The following ACER2 variants were observed in gnomAD, a reference collection of about 807,000 sequenced individuals.
ACER2 encodes the protein alkCDase 2.
In ACER2, 26 loss-of-function variants were observed where a neutral mutation model predicts 34.7. That is an observed-to-expected ratio of 0.75 (90% CI 0.55 to 1.04). The LOEUF is 1.04. Ranked by LOEUF, ACER2 falls within the 50% of genes least tolerant of loss-of-function variation. ACER2 has a pLI of 0.00. For missense variants in ACER2, 352 were observed against 340.8 expected (o/e 1.03, Z -0.26); for synonymous variants, 138 against 132.1 (o/e 1.04, Z -0.31).
intron 4 of ACER2, among the ~76,000 whole-genome samples, chr9:19,442,300 A>G (rs1302214206): frequency 6.6e-6 from 1 of 152,252 alleles, no homozygotes; most frequent in Non-Finnish European, 1.5e-5. Context: ...TTGTAGAATA[A>G]GGTCCTGCTG....
At chr9:19,420,131 C>T (rs1415357208) in intron 1 of ACER2, among the ~76,000 whole-genome samples, 1 of 152,168 alleles carries the variant, frequency 6.6e-6, no homozygotes, top group Admixed American at 6.5e-5. Context: ...TGGTAAAGCT[C>T]TTTGGCCCTG....
rs554296522 is a variant in ACER2, at chr9:19,451,980, C to T, written c.*1344C>T. 5.2e-5 allele frequency: 8 copies of T among 152,662 alleles called. No individual in the cohort carries two copies. The South Asian group carries it at 8.3e-4, about 16-fold the overall frequency. The allele number at this position is 152,662 out of a possible 1,614,324, so 9.5% of individuals were successfully genotyped here. A position where few individuals can be genotyped will look rare whatever the true frequency, so the allele number is the denominator to read the frequency against. ...AGTGCTGGCAGTAGCTATGCACTCACGGGCTGGTTTGGGTCGCTGGTGCAG... is the reference window on the plus strand; with the variant it reads ...AGTGCTGGCAGTAGCTATGCACTCATGGGCTGGTTTGGGTCGCTGGTGCAG... On this transcript the variant is annotated 3_prime_UTR_variant, in exon 6 of 6. Transcript: ENST00000340967.
At chr9:19,436,623 CTTAGGAATGTAT>C in intron 4 of ACER2, among the ~76,000 whole-genome samples, 1 of 152,200 alleles carries the variant, frequency 6.6e-6, no homozygotes, top group South Asian at 2.1e-4. Context: ...GACTTTCTCA[CTTAGGAATGTAT>C]TGTAGTCCTC....
chr9:19,433,552 C>CTCTT (rs1830831286), intron 3 of ACER2, among the ~76,000 whole-genome samples: 1 of 152,182 alleles, frequency 6.6e-6, no homozygotes, highest in African/African-American at 2.4e-5. Context: ...CCATGTCTAC[C>CTCTT]TCTTTCTACA....
chr9:19,411,379 CTG>C (rs1338237225), intron 1 of ACER2, among the ~76,000 whole-genome samples: 2 of 152,170 alleles, frequency 1.3e-5, no homozygotes, highest in African/African-American at 2.4e-5. Flanking sequence ...TTCTTCCCCT[CTG>C]TTGCTATTTA....
intron 3 of ACER2, among the ~76,000 whole-genome samples, chr9:19,428,146 G>A (rs559339264): frequency 7.3e-6 from 1 of 136,998 alleles, no homozygotes; most frequent in African/African-American, 2.7e-5. Flanking sequence ...GACTTTGCTG[G>A]AATATTCTTT....
At chr9:19,420,115 T>C (rs555197362) in intron 1 of ACER2, among the ~76,000 whole-genome samples, 2 of 152,300 alleles carry the variant, frequency 1.3e-5, no homozygotes, top group Non-Finnish European at 2.9e-5. Context: ...TGTGGTTTCT[T>C]AGGTCTGGTA....
At chr9:19,421,571 T>C (rs1830408786) in intron 1 of ACER2, among the ~76,000 whole-genome samples, 1 of 152,056 alleles carries the variant, frequency 6.6e-6, no homozygotes, top group African/African-American at 2.4e-5. Context: ...AAAAGGCAGA[T>C]TGGTGAATGC....
At chr9:19,432,188 C>T (rs543249248) in intron 3 of ACER2, among the ~76,000 whole-genome samples, 3 of 152,296 alleles carry the variant, frequency 2.0e-5, no homozygotes, top group Non-Finnish European at 2.9e-5. Context: ...ATTTCAAAAA[C>T]TTGTCGATGT....
chr9:19,414,823 C>A (rs1392919516), intron 1 of ACER2, among the ~76,000 whole-genome samples: 2 of 146,844 alleles, frequency 1.4e-5, no homozygotes, highest in Non-Finnish European at 3.0e-5. Flanking sequence ...TCCAACCTGG[C>A]TGACAGAGCG....
At chr9:19,446,137 G>A in intron 4 of ACER2, 144 bp from the exon 5 acceptor site, 1 of 1,132,704 alleles carries the variant, frequency 8.8e-7, no homozygotes, top group Non-Finnish European at 1.3e-6. Flanking sequence ...ATGAGACTGT[G>A]GAGTGACTGT....
At chr9:19,440,235 G>A (rs573632591) in intron 4 of ACER2, among the ~76,000 whole-genome samples, 1 of 152,110 alleles carries the variant, frequency 6.6e-6, no homozygotes, top group African/African-American at 2.4e-5. Flanking sequence ...CTACCTCTCG[G>A]CAGCTCCTTT....
chr9:19,434,496 T>G (rs970452858), intron 3 of ACER2, among the ~76,000 whole-genome samples: 2 of 152,152 alleles, frequency 1.3e-5, no homozygotes, highest in African/African-American at 4.8e-5. Flanking sequence ...GAGCACTGAG[T>G]GAACCAGACT....
chr9:19,449,500 G>T (rs991174701), intron 5 of ACER2, among the ~76,000 whole-genome samples: 7 of 152,070 alleles, frequency 4.6e-5, no homozygotes, highest in African/African-American at 1.4e-4. Flanking sequence ...CTTTCATATT[G>T]TCACATCTGT....
chr9:19,432,401 G>A (rs1346917334), intron 3 of ACER2, among the ~76,000 whole-genome samples: 1 of 151,978 alleles, frequency 6.6e-6, no homozygotes, highest in Middle Eastern at 3.2e-3. Flanking sequence ...GTAGAACGGG[G>A]GGTGACAAAC....
At chr9:19,444,154 T>C (rs1265902693) in intron 4 of ACER2, among the ~76,000 whole-genome samples, 1 of 95,728 alleles carries the variant, frequency 1.0e-5, no homozygotes, top group Non-Finnish European at 2.1e-5. Context: ...GCTGATGAGC[T>C]AAAAAAAAAA....
rs750343258 is a variant in ACER2 at position 19,423,966 on chromosome 9, G to C, written c.213G>C (p.Leu71Phe). The change falls in exon 2 of 6, where the codon TTG becomes TTC. Residue 71 changes from leucine (L) to phenylalanine (F), a missense_variant. By Grantham distance (22) the Leu-to-Phe change is conservative. Coordinates refer to ENST00000340967, the MANE Select transcript of ACER2 (RefSeq NM_001010887.3). Reference sequence around the variant, plus strand: ...GCATCTACTTAATCTGGACTCTTTTGGTTGTAGTGGGTAAGTGGAGTCATT... The same window carrying C: ...GCATCTACTTAATCTGGACTCTTTTCGTTGTAGTGGGTAAGTGGAGTCATT... The part of the protein sequence containing the change: ...NSGIYLIWTL[L>F]VVVGIGSVYF... 1 of 1,612,106 alleles carries C rather than the reference G, an allele frequency of 6.2e-7. No homozygotes were observed. Among genetic ancestry groups the C allele is most frequent in the African/African-American group, 1.3e-5 (1 of 74,878 alleles).
intron 3 of ACER2, among the ~76,000 whole-genome samples, chr9:19,430,905 C>T (rs889297748): frequency 6.6e-6 from 1 of 152,056 alleles, no homozygotes; most frequent in African/African-American, 2.4e-5. Flanking sequence ...TTTCAGTGAG[C>T]TGAGATCGCA....
At chr9:19,433,689 G>A (rs1319596479) in intron 3 of ACER2, among the ~76,000 whole-genome samples, 2 of 152,260 alleles carry the variant, frequency 1.3e-5, no homozygotes, top group Non-Finnish European at 2.9e-5. Flanking sequence ...CAGATGGGGT[G>A]GTGGCCGGGC....
Sources: gnomAD v4.1 joint callset for allele counts (sites outside exome capture counted in the v4.1 genomes callset) on GRCh38, gnomAD v4.1.1 for gene constraint, MANE v1.5 for transcripts, NCBI Gene and HGNC (gene_info 2026-07-23, HGNC 2026-07-21) for gene names.